The following PTGER3 variants were observed in gnomAD, a reference collection of about 807,000 sequenced individuals.
PTGER3 encodes prostaglandin E2 receptor EP3 subtype.
In PTGER3, 22 loss-of-function variants were observed where a neutral mutation model predicts 34.7. The observed-to-expected ratio is 0.63, with a 90% confidence interval of 0.45 to 0.91. The LOEUF is 0.91. Ranked by LOEUF, PTGER3 falls within the 40% of genes least tolerant of loss-of-function variation. The probability of loss-of-function intolerance (pLI) is 0.00; values close to 1 mark genes in which losing one functional copy is unlikely to be tolerated. For missense variants in PTGER3, 468 were observed against 519.4 expected (o/e 0.90, Z 0.96); for synonymous variants, 241 against 230.1 (o/e 1.05, Z -0.43).
intron 4 of PTGER3, among the ~76,000 whole-genome samples, chr1:70,864,985 C>T (rs192178970): frequency 6.6e-6 from 1 of 152,190 alleles, no homozygotes; most frequent in East Asian, 1.9e-4. Flanking sequence ...AAGAAAGTGG[C>T]CATCTATCCA....
At chr1:71,007,279 C>T (rs1657054008) in intron 2 of PTGER3, 2 of 985,352 alleles carry the variant, frequency 2.0e-6, no homozygotes, top group African/African-American at 3.5e-5. Flanking sequence ...TAATCAGTGC[C>T]TATTTTAATT....
intron 4 of PTGER3, among the ~76,000 whole-genome samples, chr1:70,942,496 A>T (rs1649849828): frequency 6.6e-6 from 1 of 152,138 alleles, no homozygotes. Flanking sequence ...AGACTATTTA[A>T]AATTCCATAG....
At chr1:70,982,704 T>C (rs932839094) in intron 2 of PTGER3, among the ~76,000 whole-genome samples, 3 of 152,196 alleles carry the variant, frequency 2.0e-5, no homozygotes, top group African/African-American at 7.2e-5. Context: ...AAAAATTTAC[T>C]GTCCATTTGT....
At chr1:70,903,417 C>T (rs569359156) in intron 4 of PTGER3, among the ~76,000 whole-genome samples, 1 of 152,236 alleles carries the variant, frequency 6.6e-6, no homozygotes, top group East Asian at 1.9e-4. Flanking sequence ...GATATAATGC[C>T]TTTCGATTTA....
At chr1:70,932,205 A>C (rs1229741999) in intron 4 of PTGER3, among the ~76,000 whole-genome samples, 1 of 152,150 alleles carries the variant, frequency 6.6e-6, no homozygotes, top group Non-Finnish European at 1.5e-5. Context: ...TCTCCATCTG[A>C]GACCACATCA....
chr1:71,027,801 T>C (rs1489860301), intron 1 of PTGER3, among the ~76,000 whole-genome samples: 1 of 152,206 alleles, frequency 6.6e-6, no homozygotes, highest in African/African-American at 2.4e-5. Flanking sequence ...TACATCAGCA[T>C]GTAGTGAACA....
chr1:70,897,477 A>G (rs1646746015), intron 4 of PTGER3, among the ~76,000 whole-genome samples: 1 of 152,204 alleles, frequency 6.6e-6, no homozygotes, highest in African/African-American at 2.4e-5. Context: ...TAATTGAACC[A>G]CAGCTGATGG....
chr1:70,926,482 G>A (rs111601369), intron 4 of PTGER3, among the ~76,000 whole-genome samples: 6,059 of 152,180 alleles, frequency 0.04, 157 homozygotes, highest in Middle Eastern at 0.13. Flanking sequence ...CTCTCTGTTT[G>A]TCTGTTATTG....
chr1:70,860,270 C>T (rs1252234728), intron 4 of PTGER3, among the ~76,000 whole-genome samples: 2 of 152,116 alleles, frequency 1.3e-5, no homozygotes, highest in African/African-American at 4.8e-5. Context: ...ACAACAGGCA[C>T]TCAAATAATA....
chr1:70,877,844 G>A (rs780415043), intron 4 of PTGER3, among the ~76,000 whole-genome samples: 1 of 152,124 alleles, frequency 6.6e-6, no homozygotes, highest in Non-Finnish European at 1.5e-5. Flanking sequence ...GCTGGATTTG[G>A]TTTGCTAGTA....
At chr1:71,025,442 G>A (rs1289176186) in intron 1 of PTGER3, among the ~76,000 whole-genome samples, 2 of 151,792 alleles carry the variant, frequency 1.3e-5, no homozygotes, top group African/African-American at 4.8e-5. Context: ...TTAAAATATA[G>A]CCCAAGGAAA....
intron 4 of PTGER3, among the ~76,000 whole-genome samples, chr1:70,919,813 G>A (rs1463240498): frequency 6.6e-6 from 1 of 152,122 alleles, no homozygotes; most frequent in Non-Finnish European, 1.5e-5. Context: ...AGCCAGAATA[G>A]TTTCAGGGAG....
intron 2 of PTGER3, among the ~76,000 whole-genome samples, chr1:70,955,014 C>A (rs998878261): frequency 2.0e-5 from 3 of 152,110 alleles, no homozygotes; most frequent in African/African-American, 7.2e-5. Context: ...TTAGTCTCAT[C>A]ATTTCTTTAA....
Position 70,989,419 on chromosome 1 carries a change from T to C in PTGER3, c.1078-15031A>G, listed in dbSNP as rs933851672. Among the ~76,000 whole-genome samples, 41 of 152,200 alleles carry C rather than the reference T, an allele frequency of 2.7e-4. 1 individual carries two copies. Among genetic ancestry groups the C allele is most frequent in the African/African-American group, 9.4e-4 (39 of 41,438 alleles). ...TCAGTTTTCTGGAATAATTACCTTT[T>C]AAAAGGGACTCTTTTTTGCCTGCAT... is the stretch of plus-strand genomic sequence containing the variant. On this transcript the variant is annotated intron_variant, in intron 2 of 3. Transcript: ENST00000306666.
intron 4 of PTGER3, among the ~76,000 whole-genome samples, chr1:70,866,488 A>G (rs1027304696): frequency 6.6e-6 from 1 of 152,176 alleles, no homozygotes; most frequent in Non-Finnish European, 1.5e-5. Flanking sequence ...TCATCCTTCT[A>G]TACAAACTTT....
intron 2 of PTGER3, among the ~76,000 whole-genome samples, chr1:70,990,814 C>A (rs376766812): frequency 1.3e-5 from 2 of 152,194 alleles, no homozygotes; most frequent in African/African-American, 2.4e-5. Flanking sequence ...ATATGTACCA[C>A]TCCACAATCA....
chr1:70,876,780 C>T (rs895718394), intron 4 of PTGER3, among the ~76,000 whole-genome samples: 1 of 152,052 alleles, frequency 6.6e-6, no homozygotes, highest in African/African-American at 2.4e-5. Context: ...TGTGGCTTTA[C>T]TTCCGGGCTT....
chr1:70,949,195 T>C (rs1270432306), downstream of PTGER3, among the ~76,000 whole-genome samples: 2 of 152,116 alleles, frequency 1.3e-5, no homozygotes, highest in African/African-American at 2.4e-5. Context: ...TCTAAGTTTC[T>C]GAGGTTAATG....
At chr1:70,901,047 G>C (rs1646827901) in intron 4 of PTGER3, among the ~76,000 whole-genome samples, 1 of 152,142 alleles carries the variant, frequency 6.6e-6, no homozygotes, top group South Asian at 2.1e-4. Context: ...TATGTGGTAA[G>C]ACTGATGTCC....
Sources: allele counts gnomAD v4.1 joint callset (sites outside exome capture counted in the v4.1 genomes callset), GRCh38; gene constraint gnomAD v4.1.1; transcripts MANE v1.5; gene names NCBI Gene and HGNC (gene_info 2026-07-23, HGNC 2026-07-21).